Variants in TNXB observed in about 807,000 individuals in gnomAD.
TNXB encodes the protein tenascin XB, also known as tenascin-X.
TNXB carries 183 observed loss-of-function variants against 340.5 expected under a neutral mutation model. That is an observed-to-expected ratio of 0.54 (90% CI 0.48 to 0.61). TNXB has a LOEUF of 0.61. TNXB is among the 20% of genes least tolerant of loss of function. The pLI, the probability that TNXB is intolerant of heterozygous loss-of-function variation, is 0.00. For synonymous variants in TNXB, 2,121 were observed against 2,314.5 expected, an observed-to-expected ratio of 0.92 and a Z score of 2.40; for missense variants, 4,613 against 5,446.4, an observed-to-expected ratio of 0.85 and a Z score of 4.82.
Position 32,052,889 on chromosome 6 carries a change from C to G in TNXB, c.8896G>C (p.Asp2966His), listed in dbSNP as rs1476243221. The G allele has an allele frequency of 6.2e-7, 1 of 1,612,742 alleles. No individual in the cohort carries two copies. Among genetic ancestry groups the G allele is most frequent in the East Asian group, 2.2e-5 (1 of 44,878 alleles). ...ATGGTCCAGGAGAGGCTCAGCGAGT[C>G]AGGGGAGGATCCTGTCACTGTCAGC... ...GELTVTGSSP[D>H]SLSLSWTIPQ... Residue 2966 changes from aspartate to histidine, a missense_variant, in exon 26 of 44, where the codon GAC (aspartate) becomes CAC (histidine). By Grantham distance (81) the Asp-to-His change is moderately conservative (BLOSUM62 -1). Transcript: ENST00000644971. The surrounding 1 kb of genome is among the most constrained non-coding windows in gnomAD (Gnocchi z 4.7).
Position 32,108,634 on chromosome 6 carries a change from C to T in TNXB, c.-9+547G>A, listed in dbSNP as rs976035204. Among the ~76,000 whole-genome samples, 2 of 152,142 alleles carry T rather than the reference C, an allele frequency of 1.3e-5. No homozygotes were observed. Among genetic ancestry groups the T allele is most frequent in the Admixed American group, 1.3e-4 (2 of 15,280 alleles). ...ATCTCCCAGACCTCCCTCCCTGCAA[C>T]TCTCACGCTGCCACCTAGGGAGTCC... is the stretch of plus-strand genomic sequence containing the variant. On this transcript the variant is annotated intron_variant, in intron 1 of 43. Transcript: ENST00000644971. This position sits in a 1 kb window ranked among gnomAD's most constrained non-coding sequence, Gnocchi z 4.8.
chr6:32,081,210 T>A lies in TNXB; in HGVS notation c.4042+158A>T, dbSNP rs1239244273. Among the ~76,000 whole-genome samples the A allele has an allele frequency of 2.0e-5, 3 of 152,018 alleles. No homozygotes were observed. The highest frequency in any genetic ancestry group is 7.3e-5 in the African/African-American group (3 of 41,364). Reference sequence around the variant, plus strand: ...GAGGCTGGATGAGGGGGACCTGGCATGCAGAGGACAGGAGAGCAGTGCGGG... The same window carrying A: ...GAGGCTGGATGAGGGGGACCTGGCAAGCAGAGGACAGGAGAGCAGTGCGGG... On this transcript the variant is annotated intron_variant, in intron 10 of 43. Transcript: ENST00000644971. The surrounding 1 kb of genome is among the most constrained non-coding windows in gnomAD (Gnocchi z 5.1).
In TNXB at chr6:32,095,837, G is replaced by C. The variant is rs1780302763; in HGVS notation, c.2016C>G (p.Gly672=). 3 of 1,612,584 alleles carry C rather than the reference G, an allele frequency of 1.9e-6. No homozygotes were observed. Among genetic ancestry groups the C allele is most frequent in the Non-Finnish European group, 2.5e-6 (3 of 1,179,388 alleles). Residue 672 remains glycine (G), a synonymous_variant, in exon 3 of 44, where the codon GGC becomes GGG. Transcript: ENST00000644971. The part of the protein sequence containing the change: ...CVQGVCLCHV[G]YGGEDCGQEE... ...CCTGCCCGCAGTCCTCACCGCCATAGCCCACGTGGCACAGGCACACTCCTT... is the reference window on the plus strand; with the variant it reads ...CCTGCCCGCAGTCCTCACCGCCATACCCCACGTGGCACAGGCACACTCCTT...
rs1374585168 is a variant in TNXB, at chr6:32,062,499, G to C, written c.6842-16C>G. The C allele has an allele frequency of 6.3e-7, 1 of 1,579,358 alleles. No individual in the cohort carries two copies. Among genetic ancestry groups the C allele is most frequent in the South Asian group, 1.1e-5 (1 of 87,470 alleles). On this transcript the variant is annotated splice_polypyrimidine_tract_variant and intron_variant, in intron 19 of 43. Transcript: ENST00000644971. The surrounding 1 kb of genome is among the most constrained non-coding windows in gnomAD (Gnocchi z 4.3). ...TTTCCTGGGGCTGCATCAGAAAATAGAATGGGTGGGCATGCCTGGTGGGCC... is the reference window on the plus strand; with the variant it reads ...TTTCCTGGGGCTGCATCAGAAAATACAATGGGTGGGCATGCCTGGTGGGCC...
chr6:32,069,783 G>A lies in TNXB; in HGVS notation c.5357C>T (p.Thr1786Ile), dbSNP rs2151916274. 3.7e-6 allele frequency: 6 copies of A among 1,610,266 alleles called. No homozygotes were observed. The highest frequency in any genetic ancestry group is 1.1e-5 in the South Asian group (1 of 90,374). ...PRLGEELQVT[T>I]VTQNSVGLSW... ...GAGGCCCACGGAGTTCTGGGTCACGGTGGTCACCTGCAGCTCCTCCCCCAG... is the reference window on the plus strand; with the variant it reads ...GAGGCCCACGGAGTTCTGGGTCACGATGGTCACCTGCAGCTCCTCCCCCAG... The change falls in exon 15 of 44, where the codon ACC (threonine) becomes ATC (isoleucine). Residue 1786 changes from threonine (T) to isoleucine (I), a missense_variant. Around this residue, in one of 7 missense-constraint regions of TNXB, gnomAD observed 4,327 missense variants for 4,859.4 expected, o/e 0.89. Transcript: ENST00000644971. This position sits in a 1 kb window ranked among gnomAD's most constrained non-coding sequence, Gnocchi z 6.2.
In TNXB at chr6:32,067,931, G is replaced by A; in HGVS notation, c.6274C>T (p.Pro2092Ser). ...PTEPSMEAPE[P>S]AEEPLLGELT... ...TCCCCCAGGAGCGGCTCCTCAGCGGGCTCCGGGGCCTCCATGCTGGGTTCT... is the reference window on the plus strand; with the variant it reads ...TCCCCCAGGAGCGGCTCCTCAGCGGACTCCGGGGCCTCCATGCTGGGTTCT... Residue 2092 changes from proline (P) to serine (S), a missense_variant, in exon 18 of 44, where the codon CCC (proline) becomes TCC (serine). Transcript: ENST00000644971. The surrounding 1 kb of genome is among the most constrained non-coding windows in gnomAD (Gnocchi z 4.2). The A allele has an allele frequency of 3.1e-6, 5 of 1,612,578 alleles. No individual in the cohort carries two copies. The highest frequency in any genetic ancestry group is 1.7e-5 in the Admixed American group (1 of 60,022).
Position 32,069,492 on chromosome 6 carries a change from A to C in TNXB, c.5587+61T>G. ...GGGAAGCTCAGAGATCTTATGGCTC[A>C]GTCAGACCAGGAGAGCCAGGCGGGA... On this transcript the variant is annotated intron_variant, in intron 15 of 43. Coordinates refer to ENST00000644971, the MANE Select transcript of TNXB (RefSeq NM_001365276.2). This position sits in a 1 kb window ranked among gnomAD's most constrained non-coding sequence, Gnocchi z 6.2. The C allele has an allele frequency of 6.7e-7, 1 of 1,483,260 alleles. No homozygotes were observed. 91.9% of individuals were successfully genotyped at this position (1,483,260 alleles called of 1,614,324 possible).
rs1221710868 is a variant in TNXB, at chr6:32,087,419, AGC to A, written c.2780-1303_2780-1302del. 2.1e-6 allele frequency: 1 copy of A among 474,794 alleles called. No homozygotes were observed. Among genetic ancestry groups the A allele is most frequent in the Admixed American group, 2.2e-5 (1 of 44,686 alleles). 29.4% of individuals were successfully genotyped at this position (474,794 alleles called of 1,614,324 possible). ...CCCTCTGCAGGCGGCTGAGGCCGCC[AGC>A]GCAGCACCACGCGCTCGAACTGGCC... On this transcript the variant is annotated intron_variant, in intron 6 of 43. Transcript: ENST00000644971. This position sits in a 1 kb window ranked among gnomAD's most constrained non-coding sequence, Gnocchi z 9.0.
chr6:32,049,921 TC>T lies in TNXB; in HGVS notation c.9439+76del, dbSNP rs1777160648. 1.9e-6 allele frequency: 3 copies of T among 1,599,026 alleles called. No homozygotes were observed. Among genetic ancestry groups the T allele is most frequent in the Non-Finnish European group, 2.6e-6 (3 of 1,169,770 alleles). ...GGTGCTGACCAGACCCCTGTCCCAT[TC>T]CCCACCAGTCATCACCAAAGAGCAA... On this transcript the variant is annotated intron_variant, in intron 27 of 43. Transcript: ENST00000644971. The surrounding 1 kb of genome is among the most constrained non-coding windows in gnomAD (Gnocchi z 4.5).
Position 32,073,219 on chromosome 6 carries a change from G to A in TNXB, c.4681+428C>T, listed in dbSNP as rs1485800263. ...AATGCAGTGCAGGCAGGTGGCAGAG[G>A]ACTCCTGAGAAGGGACTCAGGATGT... On this transcript the variant is annotated intron_variant, in intron 12 of 43. Transcript: ENST00000644971. The surrounding 1 kb of genome is among the most constrained non-coding windows in gnomAD (Gnocchi z 4.6). Among the ~76,000 whole-genome samples the A allele has an allele frequency of 6.6e-6, 1 of 152,076 alleles. No individual in the cohort carries two copies.
chr6:32,073,074 T>C lies in TNXB; in HGVS notation c.4681+573A>G, dbSNP rs1778869455. On this transcript the variant is annotated intron_variant, in intron 12 of 43. Coordinates refer to ENST00000644971, the MANE Select transcript of TNXB (RefSeq NM_001365276.2). This position sits in a 1 kb window ranked among gnomAD's most constrained non-coding sequence, Gnocchi z 4.6. ...CAGGTGGGGTAGGGGTTTCACCAGA[T>C]GCCACAGCACAACAATCATGGAGAA... is the stretch of plus-strand genomic sequence containing the variant. Among the ~76,000 whole-genome samples, 1 of 152,192 alleles carries C rather than the reference T, an allele frequency of 6.6e-6. No individual in the cohort carries two copies. Among genetic ancestry groups the C allele is most frequent in the East Asian group, 1.9e-4 (1 of 5,198 alleles).
chr6:32,056,464 CA>C, intron 23 of TNXB, 121 bp downstream of exon 23: 3 of 1,479,156 alleles, frequency 2.0e-6, no homozygotes, highest in Non-Finnish European at 2.7e-6. Context: ...AGGGGAGCCC[CA>C]GCCACAAGCA....
intron 11 of TNXB, among the ~76,000 whole-genome samples, chr6:32,076,215 T>C (rs1054908681): frequency 3.3e-5 from 5 of 152,186 alleles, no homozygotes; most frequent in African/African-American, 1.2e-4. Context: ...TTATTGCTGG[T>C]GGTTTGGATT....
In TNXB at chr6:32,084,417, C is replaced by A; in HGVS notation, c.3441G>T (p.Lys1147Asn). The A allele has an allele frequency of 3.2e-6, 5 of 1,586,518 alleles. No individual in the cohort carries two copies. Among genetic ancestry groups the A allele is most frequent in the Non-Finnish European group, 4.3e-6 (5 of 1,163,232 alleles). ...KRHGPLVAEA[K>N]ILPQSDPSPG... ...GGTGTTACTGCTGTCACTCACAGAT[C>A]TTGGCTTCAGCCACCAGCGGACCAT... Residue 1147 changes from lysine (K) to asparagine (N), a missense_variant, in exon 8 of 44, where the codon AAG becomes AAT. Lys to Asn is a moderately conservative substitution (Grantham distance 94, BLOSUM62 0). Around this residue, in one of 7 missense-constraint regions of TNXB, gnomAD observed 4,327 missense variants for 4,859.4 expected, o/e 0.89. Coordinates refer to ENST00000644971, the MANE Select transcript of TNXB (RefSeq NM_001365276.2). This position sits in a 1 kb window ranked among gnomAD's most constrained non-coding sequence, Gnocchi z 5.5.
At position 32,073,554 on chromosome 6, in the gene TNXB, T is replaced by G. The variant is rs1778895524; in HGVS notation, c.4681+93A>C. 2 of 1,159,992 alleles carry G rather than the reference T, an allele frequency of 1.7e-6. No individual in the cohort carries two copies. The highest frequency in any genetic ancestry group is 1.6e-5 in the African/African-American group (1 of 64,408). The allele number at this position is 1,159,992 out of a possible 1,614,324, so 71.9% of individuals were successfully genotyped here. A position where few individuals can be genotyped will look rare whatever the true frequency, so the allele number is the denominator to read the frequency against. ...AGGGGATCTAGCCCCTCAGTGAGGG[T>G]GCGGTGGTACCAAGGCAGGGCTGGA... On this transcript the variant is annotated intron_variant, in intron 12 of 43. Coordinates refer to ENST00000644971, the MANE Select transcript of TNXB (RefSeq NM_001365276.2). The surrounding 1 kb of genome is among the most constrained non-coding windows in gnomAD (Gnocchi z 4.6).
rs1276811267 is a variant in TNXB at position 32,090,201 on chromosome 6, C to T, written c.2359-822G>A. 6.6e-6 allele frequency among the ~76,000 whole-genome samples: 1 copy of T among 152,210 alleles called. No individual in the cohort carries two copies. Among genetic ancestry groups the T allele is most frequent in the Non-Finnish European group, 1.5e-5 (1 of 68,036 alleles). On this transcript the variant is annotated intron_variant, in intron 4 of 43. Coordinates refer to ENST00000644971, the MANE Select transcript of TNXB (RefSeq NM_001365276.2). The surrounding 1 kb of genome is among the most constrained non-coding windows in gnomAD (Gnocchi z 4.3). ...AAATAAAATATATGGTCCCTGTCCT[C>T]AGGTAGCTGAGACTCTAATAGCTAA...
At position 32,097,945 on chromosome 6, in the gene TNXB, C is replaced by T; in HGVS notation, c.254G>A (p.Cys85Tyr). 1 of 1,597,868 alleles carries T rather than the reference C, an allele frequency of 6.3e-7. No individual in the cohort carries two copies. The highest frequency in any genetic ancestry group is 8.5e-7 in the Non-Finnish European group (1 of 1,170,650). Reference sequence around the variant, plus strand: ...GGGCTCGGTGCCTGGGGGACAGCCACAGCCAGTGGAAGGGGGCAGGTTAAT... The same window carrying T: ...GGGCTCGGTGCCTGGGGGACAGCCATAGCCAGTGGAAGGGGGCAGGTTAAT... The part of the protein sequence containing the change: ...HRINLPPSTG[C>Y]GCPPGTEPPV... Residue 85 changes from cysteine (C) to tyrosine (Y), a missense_variant, in exon 2 of 44, where the codon TGT becomes TAT. Around this residue, in one of 7 missense-constraint regions of TNXB, gnomAD observed 4,327 missense variants for 4,859.4 expected, o/e 0.89. Coordinates refer to ENST00000644971, the MANE Select transcript of TNXB (RefSeq NM_001365276.2). The surrounding 1 kb of genome is among the most constrained non-coding windows in gnomAD (Gnocchi z 5.9).
rs1294600170 is a variant in TNXB, at chr6:32,065,018, G to T, written c.6644C>A (p.Thr2215Lys). 1.9e-6 allele frequency: 3 copies of T among 1,610,702 alleles called. No individual in the cohort carries two copies. Among genetic ancestry groups the T allele is most frequent in the African/African-American group, 1.3e-5 (1 of 75,014 alleles). Reference sequence around the variant, plus strand: ...ATGGTCAAACTGGCCCTCGGGGACTGTCCAGGAGAGGCTGAGGGAGTCGGA... The same window carrying T: ...ATGGTCAAACTGGCCCTCGGGGACTTTCCAGGAGAGGCTGAGGGAGTCGGA... ...ITSDSLSLSW[T>K]VPEGQFDHFL... The change falls in exon 19 of 44, where the codon ACA becomes AAA. Residue 2215 changes from threonine to lysine, a missense_variant. Thr to Lys is a moderately conservative substitution (Grantham distance 78, BLOSUM62 -1). Coordinates refer to ENST00000644971, the MANE Select transcript of TNXB (RefSeq NM_001365276.2).
In TNXB at chr6:32,097,309, A is replaced by C. The variant is rs1352330086; in HGVS notation, c.544T>G (p.Ser182Ala). 5 of 1,613,628 alleles carry C rather than the reference A, an allele frequency of 3.1e-6. No homozygotes were observed. The highest frequency in any genetic ancestry group is 4.2e-6 in the Non-Finnish European group (5 of 1,179,818). ...TCATCTGGGCAGGACCCCGAGGCTG[A>C]GGGTGGGGAAGAGGGAGGGATCTCA... ...DAEIPPSSPPSASGSCPDDCN... is the reference protein window; with the variant it reads ...DAEIPPSSPPAASGSCPDDCN... Residue 182 changes from serine (S) to alanine (A), a missense_variant, in exon 3 of 44, where the codon TCA (serine) becomes GCA (alanine). Around this residue, in one of 7 missense-constraint regions of TNXB, gnomAD observed 4,327 missense variants for 4,859.4 expected, o/e 0.89. Coordinates refer to ENST00000644971, the MANE Select transcript of TNXB (RefSeq NM_001365276.2). This position sits in a 1 kb window ranked among gnomAD's most constrained non-coding sequence, Gnocchi z 5.9.
Sources: gnomAD v4.1 joint callset for allele counts (sites outside exome capture counted in the v4.1 genomes callset) on GRCh38, gnomAD v4.1.1 for gene constraint, gnomAD v4.1.1 regional missense constraint, Gnocchi (gnomAD v3.1) non-coding constraint, MANE v1.5 for transcripts, NCBI Gene and HGNC (gene_info 2026-07-23, HGNC 2026-07-21) for gene names.